Variants in GALNT18 observed in about 807,000 individuals in gnomAD.
GALNT18 encodes the protein GalNAc-transferase 18.
A neutral mutation model predicts 69.5 loss-of-function variants in GALNT18; 44 were observed. That is an observed-to-expected ratio of 0.63 (90% CI 0.50 to 0.81). The LOEUF is 0.81. Among genes scored for constraint, GALNT18 ranks in the 40% least tolerant of loss-of-function variants. The pLI is 0.00. For synonymous variants in GALNT18, 364 were observed against 318.2 expected (o/e 1.14, Z -1.53); for missense variants, 715 against 810.0 (o/e 0.88, Z 1.42).
At chr11:11,288,619 G>A (rs947275129) in intron 10 of GALNT18, among the ~76,000 whole-genome samples, 10 of 150,048 alleles carry the variant, frequency 6.7e-5, no homozygotes, top group African/African-American at 2.2e-4. Flanking sequence ...AACGACTAAA[G>A]GAAAGACTGT....
In GALNT18 at chr11:11,454,507, CCT is replaced by C. The variant is rs563973696; in HGVS notation, c.236-5573_236-5572del. Among the ~76,000 whole-genome samples, 18 of 149,994 alleles carry C rather than the reference CCT, an allele frequency of 1.2e-4. No individual in the cohort carries two copies. Among genetic ancestry groups the C allele is most frequent in the African/African-American group, 2.7e-4 (11 of 40,950 alleles). ...AGAAGGAGGCTGTGTCTTCTTCTTG[CCT>C]CTCTCTCTCTCTCTCTTTCAAATCT... On this transcript the variant is annotated intron_variant, in intron 1 of 10. Coordinates refer to ENST00000227756, the MANE Select transcript of GALNT18 (RefSeq NM_198516.3). The surrounding 1 kb of genome is among the most constrained non-coding windows in gnomAD (Gnocchi z 4.2).
At chr11:11,345,132 C>T (rs1850280457) in intron 6 of GALNT18, among the ~76,000 whole-genome samples, 1 of 152,206 alleles carries the variant, frequency 6.6e-6, no homozygotes, top group African/African-American at 2.4e-5. Flanking sequence ...TTCTCAGAGA[C>T]AGGGAGCACT....
intron 9 of GALNT18, among the ~76,000 whole-genome samples, chr11:11,299,487 C>T (rs1849457280): frequency 6.6e-6 from 1 of 152,186 alleles, no homozygotes; most frequent in Non-Finnish European, 1.5e-5. Context: ...CCACCTCTTC[C>T]TCCAAGTCCC....
At position 11,585,637 on chromosome 11, in the gene GALNT18, T is replaced by G. The variant is rs149697629; in HGVS notation, c.235+35722A>C. Among the ~76,000 whole-genome samples the G allele has an allele frequency of 7.5e-3, 1,141 of 152,284 alleles. 18 individuals are homozygous for G. Among genetic ancestry groups the G allele is most frequent in the African/African-American group, 0.026 (1,080 of 41,544 alleles). On this transcript the variant is annotated intron_variant, in intron 1 of 10. Coordinates refer to ENST00000227756, the MANE Select transcript of GALNT18 (RefSeq NM_198516.3). ...TCCCAAAGTGCTGGGATTACAGGCA[T>G]GAGCCACCGCGCCCGGCCGAAAAAT...
chr11:11,448,714 G>A (rs750357573), intron 2 of GALNT18, 30 bp downstream of exon 2: 73 of 1,583,158 alleles, frequency 4.6e-5, no homozygotes, highest in Non-Finnish European at 5.7e-5. Context: ...TAGGCAGGTC[G>A]ACAAGGGCCC....
chr11:11,456,158 C>A (rs769942167), intron 1 of GALNT18, among the ~76,000 whole-genome samples: 8 of 152,154 alleles, frequency 5.3e-5, no homozygotes, highest in Non-Finnish European at 8.8e-5. Context: ...TGTCTAAAAG[C>A]TTTATCCCTG....
chr11:11,401,509 T>C (rs531799689), intron 3 of GALNT18, among the ~76,000 whole-genome samples: 2 of 152,274 alleles, frequency 1.3e-5, no homozygotes, highest in East Asian at 3.9e-4. Flanking sequence ...CTGTAACGCA[T>C]GCAGATGCTG....
intron 1 of GALNT18, among the ~76,000 whole-genome samples, chr11:11,452,545 G>A (rs984374747): frequency 6.6e-6 from 1 of 152,222 alleles, no homozygotes; most frequent in Admixed American, 6.5e-5. Flanking sequence ...AGCCCCACAT[G>A]AAGGCTTTCC....
rs1590084450 is a variant in GALNT18 at position 11,541,353 on chromosome 11, C to T, written c.235+80006G>A. On this transcript the variant is annotated intron_variant, in intron 1 of 10. Transcript: ENST00000227756. This position sits in a 1 kb window ranked among gnomAD's most constrained non-coding sequence, Gnocchi z 4.8. ...CCTCAAACTCCACCTAGATCACCACCGTTATGATGATGATCTCCGCCTTCA... is the reference window on the plus strand; with the variant it reads ...CCTCAAACTCCACCTAGATCACCACTGTTATGATGATGATCTCCGCCTTCA... Among the ~76,000 whole-genome samples the T allele has an allele frequency of 6.6e-6, 1 of 152,292 alleles. No homozygotes were observed. Among genetic ancestry groups the T allele is most frequent in the East Asian group, 1.9e-4 (1 of 5,188 alleles).
chr11:11,299,788 CT>C (rs1849462852), intron 9 of GALNT18, among the ~76,000 whole-genome samples: 2 of 152,236 alleles, frequency 1.3e-5, no homozygotes, highest in South Asian at 4.1e-4. Flanking sequence ...GTGCCAGTGT[CT>C]TTTCCATAGA....
intron 1 of GALNT18, among the ~76,000 whole-genome samples, chr11:11,462,279 T>G (rs1209970636): frequency 2.2e-5 from 3 of 134,232 alleles, no homozygotes; most frequent in Non-Finnish European, 5.1e-5. Flanking sequence ...CTTTTCTTTT[T>G]TTTTTTTTTT....
intron 3 of GALNT18, among the ~76,000 whole-genome samples, chr11:11,381,422 C>A (rs892549502): frequency 1.4e-4 from 22 of 152,190 alleles, no homozygotes; most frequent in African/African-American, 4.8e-4. Flanking sequence ...CCTCAACCCT[C>A]AGGTGAGACT....
At chr11:11,290,395 C>G (rs1389674170) in intron 10 of GALNT18, among the ~76,000 whole-genome samples, 1 of 152,176 alleles carries the variant, frequency 6.6e-6, no homozygotes, top group African/African-American at 2.4e-5. Flanking sequence ...TTCAAAATCC[C>G]AGACCTAAAC....
rs757891048 is a variant in GALNT18, at chr11:11,505,960, C to A, written c.236-57024G>T. On this transcript the variant is annotated intron_variant, in intron 1 of 10. Transcript: ENST00000227756. This position sits in a 1 kb window ranked among gnomAD's most constrained non-coding sequence, Gnocchi z 4.6. The stretch of plus-strand genomic sequence containing the variant: ...TTCCTTATCAGTACAGGTTAGCAAG[C>A]ATTTAAAGCTCAGCTCAGCTTTCAG... Among the ~76,000 whole-genome samples the A allele has an allele frequency of 2.6e-5, 4 of 152,160 alleles. No homozygotes were observed. The highest frequency in any genetic ancestry group is 5.9e-5 in the Non-Finnish European group (4 of 68,034).
chr11:11,381,844 A>G (rs1483428645), intron 3 of GALNT18, among the ~76,000 whole-genome samples: 1 of 152,202 alleles, frequency 6.6e-6, no homozygotes, highest in Non-Finnish European at 1.5e-5. Context: ...CCCAGCCTTT[A>G]TTGCAGGATT....
intron 6 of GALNT18, among the ~76,000 whole-genome samples, chr11:11,350,260 A>G (rs774760100): frequency 8.5e-5 from 13 of 152,230 alleles, no homozygotes; most frequent in Non-Finnish European, 1.8e-4. Flanking sequence ...CATCCCATAC[A>G]GGGGGCCTGG....
At chr11:11,513,406 G>T (rs922487532) in intron 1 of GALNT18, among the ~76,000 whole-genome samples, 1 of 152,190 alleles carries the variant, frequency 6.6e-6, no homozygotes, top group Non-Finnish European at 1.5e-5. Context: ...CATTTTGGGA[G>T]AATCTGACTC....
intron 1 of GALNT18, among the ~76,000 whole-genome samples, chr11:11,503,365 C>T (rs1389381679): frequency 2.6e-5 from 4 of 152,192 alleles, no homozygotes; most frequent in African/African-American, 9.7e-5. Context: ...TCTGAAGGGC[C>T]TGGCTCACTG....
At chr11:11,388,656 G>A (rs2133709937) in intron 3 of GALNT18, among the ~76,000 whole-genome samples, 1 of 152,240 alleles carries the variant, frequency 6.6e-6, no homozygotes, top group South Asian at 2.1e-4. Context: ...CGATGAGCTC[G>A]GCTAGTCCAG....
Sources: gnomAD v4.1 joint callset for allele counts (sites outside exome capture counted in the v4.1 genomes callset) on GRCh38, gnomAD v4.1.1 for gene constraint, Gnocchi (gnomAD v3.1) non-coding constraint, MANE v1.5 for transcripts, NCBI Gene and HGNC (gene_info 2026-07-23, HGNC 2026-07-21) for gene names.